The following GABRA4 variants were observed in gnomAD, a reference collection of about 807,000 sequenced individuals.
GABRA4 encodes gamma-aminobutyric acid type A receptor subunit alpha4.
Under a neutral mutation model 49.7 loss-of-function variants are expected in GABRA4, and 12 were observed. That is an observed-to-expected ratio of 0.24 (90% CI 0.15 to 0.39). The LOEUF (loss-of-function observed/expected upper bound fraction) is 0.39. GABRA4 is among the 10% of genes least tolerant of loss of function. The pLI, the probability that GABRA4 is intolerant of heterozygous loss-of-function variation, is 1.00. For missense variants in GABRA4, 506 were observed against 686.0 expected (o/e 0.74, Z 2.93); for synonymous variants, 288 against 240.2 (o/e 1.20, Z -1.84).
intron 8 of GABRA4, among the ~76,000 whole-genome samples, chr4:46,947,959 C>T (rs959735358): frequency 1.3e-5 from 2 of 152,092 alleles, no homozygotes; most frequent in African/African-American, 4.8e-5. Context: ...AGAAGATGTC[C>T]TCACTCCCAG....
intron 8 of GABRA4, among the ~76,000 whole-genome samples, chr4:46,938,369 G>C (rs1022971227): frequency 6.6e-6 from 1 of 152,102 alleles, no homozygotes; most frequent in Non-Finnish European, 1.5e-5. Flanking sequence ...TCCTATAGGA[G>C]GCTCGCATAG....
rs941996945 is a variant in GABRA4, at chr4:46,962,682, G to A, written c.1134+2288C>T. Among the ~76,000 whole-genome samples, 7 of 151,732 alleles carry A rather than the reference G, an allele frequency of 4.6e-5. No individual in the cohort carries two copies. The East Asian group carries it at 1.2e-3, about 25-fold the overall frequency. On this transcript the variant is annotated intron_variant, in intron 8 of 8. Coordinates refer to ENST00000264318, the MANE Select transcript of GABRA4 (RefSeq NM_000809.4). ...CTAAGCACAAAGAATGAAACTGGAGGAATCACATTACCTCATTTCAAATTA... is the reference window on the plus strand; with the variant it reads ...CTAAGCACAAAGAATGAAACTGGAGAAATCACATTACCTCATTTCAAATTA...
Position 46,953,273 on chromosome 4 carries a change from C to T in GABRA4, c.1134+11697G>A, listed in dbSNP as rs186815826. Among the ~76,000 whole-genome samples the T allele has an allele frequency of 2.0e-3, 306 of 152,110 alleles. 2 individuals carry two copies. The highest frequency in any genetic ancestry group is 3.1e-3 in the Non-Finnish European group (209 of 67,976). On this transcript the variant is annotated intron_variant, in intron 8 of 8. Coordinates refer to ENST00000264318, the MANE Select transcript of GABRA4 (RefSeq NM_000809.4). The stretch of plus-strand genomic sequence containing the variant: ...TGAGTTCTGCCAGCATCCCTCACCC[C>T]CTAAAGCTCAGCATGCTTCTTTGTA...
chr4:46,923,478 T>C lies in GABRA4; in HGVS notation c.*4747A>G, dbSNP rs1243363231. The C allele has an allele frequency of 1.3e-5, 2 of 152,180 alleles. No homozygotes were observed. Among genetic ancestry groups the C allele is most frequent in the Non-Finnish European group, 2.9e-5 (2 of 68,016 alleles). 9.4% of individuals were successfully genotyped at this position (152,180 alleles called of 1,614,324 possible). ...ATATCCAAATACAAAATATTTCTGA[T>C]TTCTGGGTGGTAGAATTTTGAGATT... On this transcript the variant is annotated 3_prime_UTR_variant, in exon 9 of 9. Transcript: ENST00000264318.
intron 8 of GABRA4, among the ~76,000 whole-genome samples, chr4:46,941,429 A>G (rs1400039551): frequency 3.3e-5 from 5 of 152,076 alleles, no homozygotes; most frequent in Non-Finnish European, 7.4e-5. Flanking sequence ...AACAATAACT[A>G]CTACTTAGAG....
chr4:46,972,505 G>T lies in GABRA4; in HGVS notation c.722-1270C>A, dbSNP rs374491975. The stretch of plus-strand genomic sequence containing the variant: ...TAATATATACAGCTTGATGAGTTTG[G>T]AGATAAGTATACACTCATTAATCTA... On this transcript the variant is annotated intron_variant, in intron 6 of 8. Transcript: ENST00000264318. 7.9e-5 allele frequency among the ~76,000 whole-genome samples: 12 copies of T among 151,486 alleles called. No homozygotes were observed. The East Asian group carries it at 2.3e-3, about 30-fold the overall frequency.
At chr4:46,947,840 T>C (rs534782604) in intron 8 of GABRA4, among the ~76,000 whole-genome samples, 5 of 152,132 alleles carry the variant, frequency 3.3e-5, no homozygotes, top group African/African-American at 9.6e-5. Flanking sequence ...ACAGCAATCA[T>C]TTTAATTTTA....
chr4:46,942,858 C>T (rs1291810639), intron 8 of GABRA4, among the ~76,000 whole-genome samples: 2 of 151,946 alleles, frequency 1.3e-5, no homozygotes, highest in Non-Finnish European at 2.9e-5. Flanking sequence ...GGTGAATGGG[C>T]CTGTTCAGTT....
At position 46,937,808 on chromosome 4, in the gene GABRA4, G is replaced by A. The variant is rs566050464; in HGVS notation, c.1135-9053C>T. ...AATCAGGGGAATTCGGTTAACTGGAGCTTTTATTTAACCTCAGAGTTTAGA... is the reference window on the plus strand; with the variant it reads ...AATCAGGGGAATTCGGTTAACTGGAACTTTTATTTAACCTCAGAGTTTAGA... On this transcript the variant is annotated intron_variant, in intron 8 of 8. Coordinates refer to ENST00000264318, the MANE Select transcript of GABRA4 (RefSeq NM_000809.4). Among the ~76,000 whole-genome samples, 243 of 152,196 alleles carry A rather than the reference G, an allele frequency of 1.6e-3. 2 individuals are homozygous for A. The highest frequency in any genetic ancestry group is 5.6e-3 in the African/African-American group (231 of 41,532).
At chr4:46,986,930 A>C (rs903100708) in intron 2 of GABRA4, among the ~76,000 whole-genome samples, 1 of 152,132 alleles carries the variant, frequency 6.6e-6, no homozygotes, top group African/African-American at 2.4e-5. Flanking sequence ...TTATAAATTT[A>C]CAAACTTCTC....
At chr4:46,945,626 A>C (rs950275080) in intron 8 of GABRA4, among the ~76,000 whole-genome samples, 2 of 152,118 alleles carry the variant, frequency 1.3e-5, no homozygotes, top group African/African-American at 4.8e-5. Flanking sequence ...AACCCAAGAA[A>C]ATTCTAAACT....
chr4:46,933,182 G>C (rs1272154834), intron 8 of GABRA4, among the ~76,000 whole-genome samples: 5 of 152,074 alleles, frequency 3.3e-5, no homozygotes, highest in Admixed American at 1.3e-4. Context: ...TAATGAGCTA[G>C]AGTATAAAGA....
chr4:46,961,865 A>G (rs1722588522), intron 8 of GABRA4, among the ~76,000 whole-genome samples: 1 of 151,716 alleles, frequency 6.6e-6, no homozygotes, highest in Admixed American at 6.6e-5. Context: ...GAGGAAAGAG[A>G]GTGAGAGGGG....
chr4:46,941,492 G>A (rs1254607567), intron 8 of GABRA4, among the ~76,000 whole-genome samples: 1 of 152,020 alleles, frequency 6.6e-6, no homozygotes, highest in Non-Finnish European at 1.5e-5. Context: ...CTAGCATATA[G>A]TAAATGATCA....
In GABRA4 at chr4:46,977,073, T is replaced by C; in HGVS notation, c.565A>G (p.Lys189Glu). The change falls in exon 5 of 9, where the codon AAA (lysine) becomes GAA (glutamate). Residue 189 changes from lysine (K) to glutamate (E), a missense_variant. Physicochemically the swap from Lys to Glu is moderately conservative, Grantham distance 56. Transcript: ENST00000264318. The stretch of plus-strand genomic sequence containing the variant: ...TATTATAACTTACAACTCCCGAATT[T>C]CAAAGGGCATGCATGACCATCCATG... ...FPMDGHACPL[K>E]FGSYAYPKSE... The C allele has an allele frequency of 3.7e-6, 6 of 1,605,654 alleles. No individual in the cohort carries two copies. The highest frequency in any genetic ancestry group is 5.1e-6 in the Non-Finnish European group (6 of 1,174,338).
chr4:46,942,217 A>G (rs1398177), intron 8 of GABRA4, among the ~76,000 whole-genome samples: 79,043 of 151,884 alleles, frequency 0.52, 20,754 homozygotes, highest in East Asian at 0.66. Context: ...TGGAACATCC[A>G]CTCATGAGAC....
chr4:46,976,002 C>T (rs995440986), intron 5 of GABRA4, among the ~76,000 whole-genome samples: 3 of 151,830 alleles, frequency 2.0e-5, no homozygotes, highest in Non-Finnish European at 4.4e-5. Context: ...TAACAGCAGG[C>T]AACAGTTTCA....
At chr4:46,980,775 G>A (rs930139685) in intron 2 of GABRA4, among the ~76,000 whole-genome samples, 1 of 152,058 alleles carries the variant, frequency 6.6e-6, no homozygotes, top group Admixed American at 6.6e-5. Flanking sequence ...CAGGTAATGT[G>A]TGCTGAACCC....
chr4:46,974,603 T>A (rs1202144158), intron 5 of GABRA4, among the ~76,000 whole-genome samples: 1 of 151,940 alleles, frequency 6.6e-6, no homozygotes, highest in East Asian at 1.9e-4. Flanking sequence ...TATTTATTTT[T>A]TATGCCAAAT....
Sources: allele counts gnomAD v4.1 joint callset (sites outside exome capture counted in the v4.1 genomes callset), GRCh38; gene constraint gnomAD v4.1.1; transcripts MANE v1.5; gene names NCBI Gene and HGNC (gene_info 2026-07-23, HGNC 2026-07-21).